The following LIMCH1 variants were observed in gnomAD, a reference collection of about 807,000 sequenced individuals.
The protein encoded by LIMCH1 is LIM and calponin homology domains 1.
LIMCH1 carries 113 observed loss-of-function variants against 176.5 expected under a neutral mutation model. The observed-to-expected ratio is 0.64, with a 90% CI of 0.55 to 0.75. The LOEUF is 0.75. LIMCH1 is among the 30% of genes least tolerant of loss of function. LIMCH1 has a pLI of 0.00. For missense variants in LIMCH1, 1,674 were observed against 1,814.9 expected (o/e 0.92, Z 1.41); for synonymous variants, 619 against 645.9 (o/e 0.96, Z 0.63).
intron 1 of LIMCH1, among the ~76,000 whole-genome samples, chr4:41,433,080 T>C (rs74929022): frequency 0.017 from 2,652 of 152,360 alleles, 75 homozygotes; most frequent in African/African-American, 0.06. Context: ...CACATTCTCT[T>C]AACATGAGGG....
At chr4:41,530,823 T>TAAAAAA (rs2077203718) in intron 3 of LIMCH1, among the ~76,000 whole-genome samples, 14 of 86,480 alleles carry the variant, frequency 1.6e-4, no homozygotes, top group African/African-American at 7.4e-4. Context: ...AAAAAAATTT[T>TAAAAAA]TTTTTTTTTT....
chr4:41,472,570 C>A (rs62411133), intron 1 of LIMCH1, among the ~76,000 whole-genome samples: 10,366 of 152,060 alleles, frequency 0.068, 492 homozygotes, highest in Middle Eastern at 0.099. Context: ...TAGGTGCATG[C>A]CACCACACCT....
At chr4:41,440,126 A>G (rs2062548336) in intron 1 of LIMCH1, among the ~76,000 whole-genome samples, 1 of 152,244 alleles carries the variant, frequency 6.6e-6, no homozygotes, top group South Asian at 2.1e-4. Flanking sequence ...TTTAAAAATT[A>G]TTAAATAAAC....
At chr4:41,599,065 T>C (rs767867367) in intron 2 of LIMCH1, 39 bp downstream of exon 2, 2 of 1,256,468 alleles carry the variant, frequency 1.6e-6, no homozygotes, top group Non-Finnish European at 2.3e-6. Flanking sequence ...GAAACTCCTT[T>C]ATAGTTTGAT....
At chr4:41,616,300 AG>A (rs1006844790) in intron 5 of LIMCH1, among the ~76,000 whole-genome samples, 55 of 151,978 alleles carry the variant, frequency 3.6e-4, no homozygotes, top group African/African-American at 1.3e-3. Context: ...GGCCAAGGTG[AG>A]TAGATCACCT....
chr4:41,624,249 TGTGG>T (rs2092785972), intron 7 of LIMCH1, among the ~76,000 whole-genome samples: 1 of 152,160 alleles, frequency 6.6e-6, no homozygotes, highest in South Asian at 2.1e-4. Context: ...TCTGCTAGTC[TGTGG>T]ATCTTCTCAA....
At position 41,647,925 on chromosome 4, in the gene LIMCH1, C is replaced by T. The variant is rs1457570143; in HGVS notation, c.2820+1032C>T. ...ATAAGGGCAGGGGCCATGTCTCTGT[C>T]ATTCATGGCTTCATCCTGAGAGCCT... On this transcript the variant is annotated intron_variant, in intron 17 of 31. Coordinates refer to ENST00000503057, the MANE Select transcript of LIMCH1 (RefSeq NM_001330672.2). 2.6e-5 allele frequency among the ~76,000 whole-genome samples: 4 copies of T among 152,298 alleles called. No homozygotes were observed. In the South Asian group the frequency reaches 8.3e-4, roughly 32 times the overall value.
chr4:41,555,033 T>G (rs1289488542), intron 1 of LIMCH1, among the ~76,000 whole-genome samples: 1 of 152,220 alleles, frequency 6.6e-6, no homozygotes, highest in Non-Finnish European at 1.5e-5. Context: ...TGAGAACTCC[T>G]GTAGTTGATT....
At chr4:41,614,826 T>G (rs1052457882) in intron 5 of LIMCH1, among the ~76,000 whole-genome samples, 1 of 152,202 alleles carries the variant, frequency 6.6e-6, no homozygotes, top group African/African-American at 2.4e-5. Flanking sequence ...AAAATCACTG[T>G]CAGAAAGTAG....
intron 1 of LIMCH1, among the ~76,000 whole-genome samples, chr4:41,491,159 G>GAA (rs1407972163): frequency 6.2e-5 from 9 of 145,474 alleles, no homozygotes; most frequent in East Asian, 4.3e-4. Flanking sequence ...CCTCCCAGAC[G>GAA]GGGCGGCCGG....
chr4:41,429,097 G>A (rs980963578), intron 1 of LIMCH1, among the ~76,000 whole-genome samples: 10 of 152,178 alleles, frequency 6.6e-5, no homozygotes, highest in African/African-American at 2.2e-4. Flanking sequence ...AGTTCCAGCC[G>A]AGGGAGAGTG....
At chr4:41,679,971 T>C in intron 23 of LIMCH1, 35 bp from the exon 24 acceptor site, 1 of 1,434,794 alleles carries the variant, frequency 7.0e-7, no homozygotes, top group East Asian at 2.3e-5. Flanking sequence ...TATGCAATGG[T>C]CAGTTGAGAA....
intron 1 of LIMCH1, among the ~76,000 whole-genome samples, chr4:41,429,938 T>C (rs1245003683): frequency 6.6e-6 from 1 of 152,218 alleles, no homozygotes; most frequent in African/African-American, 2.4e-5. Context: ...ATATTACTTC[T>C]GCTCATATTC....
chr4:41,537,695 A>G (rs532063406), upstream of LIMCH1, among the ~76,000 whole-genome samples: 1 of 152,342 alleles, frequency 6.6e-6, no homozygotes, highest in Admixed American at 6.5e-5. Context: ...GATGATATAC[A>G]TAAAATACCT....
intron 1 of LIMCH1, among the ~76,000 whole-genome samples, chr4:41,546,609 C>T (rs1332549554): frequency 6.6e-6 from 1 of 151,996 alleles, no homozygotes; most frequent in Non-Finnish European, 1.5e-5. Flanking sequence ...CTTTCAGATG[C>T]TTTAACCACA....
chr4:41,364,085 A>C (rs2052586733), intron 1 of LIMCH1, among the ~76,000 whole-genome samples: 1 of 152,116 alleles, frequency 6.6e-6, no homozygotes, highest in Non-Finnish European at 1.5e-5. Flanking sequence ...TGTGGTTCCA[A>C]ATGATTTCTT....
intron 21 of LIMCH1, among the ~76,000 whole-genome samples, chr4:41,670,382 A>G (rs760230826): frequency 1.3e-5 from 2 of 152,212 alleles, no homozygotes; most frequent in Non-Finnish European, 2.9e-5. Flanking sequence ...TCCAAAAAGC[A>G]ATACAAATTA....
intron 1 of LIMCH1, among the ~76,000 whole-genome samples, chr4:41,460,654 C>T (rs2065248774): frequency 6.6e-6 from 1 of 151,854 alleles, no homozygotes; most frequent in African/African-American, 2.4e-5. Context: ...GGCATAAAAG[C>T]CCGAAAGAGC....
At chr4:41,546,867 GAGAA>G (rs1561701923) in intron 1 of LIMCH1, among the ~76,000 whole-genome samples, 1 of 152,040 alleles carries the variant, frequency 6.6e-6, no homozygotes, top group Non-Finnish European at 1.5e-5. Flanking sequence ...AAGCGAGAGA[GAGAA>G]AGAGAGAGAG....
Sources: gnomAD v4.1 joint callset for allele counts (sites outside exome capture counted in the v4.1 genomes callset) on GRCh38, gnomAD v4.1.1 for gene constraint, MANE v1.5 for transcripts, NCBI Gene and HGNC (gene_info 2026-07-23, HGNC 2026-07-21) for gene names.